Variants in SNX18 observed in about 807,000 individuals in gnomAD.
SNX18 encodes sorting nexin-18.
A neutral mutation model predicts 48.7 loss-of-function variants in SNX18; 35 were observed. The observed-to-expected ratio is 0.72, with a 90% CI of 0.55 to 0.95. The LOEUF is 0.95. SNX18 is among the 40% of genes least tolerant of loss of function. The pLI is 0.00. For missense variants in SNX18, 824 were observed against 871.0 expected (o/e 0.95, Z 0.68); for synonymous variants, 492 against 384.7 (o/e 1.28, Z -3.26).
the SNX18 span, among the ~76,000 whole-genome samples, chr5:54,583,436 C>T: frequency 1.3e-5 from 2 of 152,200 alleles, no homozygotes; most frequent in Non-Finnish European, 2.9e-5. Flanking sequence ...CTCAGTGTGA[C>T]CCAGGCCTTG....
chr5:54,630,829 CAAAAAAAAAAAAA>C, the SNX18 span, among the ~76,000 whole-genome samples: 1 of 94,518 alleles, frequency 1.1e-5, no homozygotes, highest in East Asian at 3.4e-4. Flanking sequence ...AAGACTCAGT[CAAAAAAAAAAAAA>C]AAAAAAAAGA....
At position 54,518,599 on chromosome 5, in the gene SNX18, C is replaced by G. The variant is rs1228442388; in HGVS notation, c.647C>G (p.Pro216Arg). The G allele has an allele frequency of 6.3e-7, 1 of 1,576,748 alleles. No homozygotes were observed. ...GGCTCGGTCCCCCCGCAGCACCACC[C>G]GTCGGGGCCCAAGAGCTCGGCCACC... Reference protein sequence around the residue: ...RGGSVPPQHHPSGPKSSATVS... With the variant: ...RGGSVPPQHHRSGPKSSATVS... The change falls in exon 1 of 2, where the codon CCG (proline) becomes CGG (arginine). Residue 216 changes from proline (P) to arginine (R), a missense_variant. Transcript: ENST00000381410.
the SNX18 span, among the ~76,000 whole-genome samples, chr5:54,582,195 G>A: frequency 6.6e-6 from 1 of 152,216 alleles, no homozygotes; most frequent in Non-Finnish European, 1.5e-5. Flanking sequence ...GAAATTAAGA[G>A]AGAAAAACAG....
At chr5:54,525,386 A>G (rs1332890184) in intron 1 of SNX18, among the ~76,000 whole-genome samples, 3 of 152,234 alleles carry the variant, frequency 2.0e-5, no homozygotes, top group African/African-American at 7.2e-5. Flanking sequence ...TTAAAAAAAA[A>G]AAAAAAATTA....
At chr5:54,558,882 T>C in the SNX18 span, among the ~76,000 whole-genome samples, 112,043 of 151,988 alleles carry the variant, frequency 0.74, 41,724 homozygotes, top group Non-Finnish European at 0.79. Flanking sequence ...ATTTCCAACC[T>C]GTAAACTTGC....
At chr5:54,633,979 G>C in the SNX18 span, among the ~76,000 whole-genome samples, 3 of 152,306 alleles carry the variant, frequency 2.0e-5, no homozygotes, top group Middle Eastern at 6.8e-3. Flanking sequence ...CCAGTACTTG[G>C]AATCCTTTCT....
Position 54,518,008 on chromosome 5 carries a change from T to G in SNX18, c.56T>G (p.Ile19Ser), listed in dbSNP as rs1363080688. 5.2e-6 allele frequency: 8 copies of G among 1,546,698 alleles called. No individual in the cohort carries two copies. Among genetic ancestry groups the G allele is most frequent in the Non-Finnish European group, 6.1e-6 (7 of 1,148,912 alleles). ...YDFRSENPGE[I>S]SLREHEVLSL... is the part of the protein sequence containing the mutation. ...TTCAGGTCGGAGAACCCAGGAGAGA[T>G]CTCGCTGCGAGAGCACGAGGTGCTG... The change falls in exon 1 of 2, where the codon ATC becomes AGC. Residue 19 changes from isoleucine to serine, a missense_variant. Physicochemically the swap from Ile to Ser is moderately radical, Grantham distance 142. Transcript: ENST00000381410.
At chr5:54,530,496 GA>G (rs1762232908) in intron 1 of SNX18, among the ~76,000 whole-genome samples, 1 of 152,098 alleles carries the variant, frequency 6.6e-6, no homozygotes, top group South Asian at 2.1e-4. Context: ...ATGCTTGTTA[GA>G]AAATTGACTT....
chr5:54,629,300 G>T, the SNX18 span, among the ~76,000 whole-genome samples: 1 of 152,164 alleles, frequency 6.6e-6, no homozygotes, highest in South Asian at 2.1e-4. Context: ...CTTGAATGTG[G>T]AGAGGAGCCA....
chr5:54,605,665 T>G, the SNX18 span, among the ~76,000 whole-genome samples: 1 of 152,274 alleles, frequency 6.6e-6, no homozygotes, highest in African/African-American at 2.4e-5. Context: ...TTGAAACTTA[T>G]TTATTTATTT....
At chr5:54,551,807 A>G in the SNX18 span, among the ~76,000 whole-genome samples, 1 of 152,106 alleles carries the variant, frequency 6.6e-6, no homozygotes, top group African/African-American at 2.4e-5. Flanking sequence ...CCTATCCTAC[A>G]CTTTCTCTGG....
the SNX18 span, among the ~76,000 whole-genome samples, chr5:54,585,297 G>GAA: frequency 1.0e-4 from 10 of 96,252 alleles, no homozygotes; most frequent in East Asian, 4.0e-4. Context: ...GTCCCAAAAA[G>GAA]AAAAAAAAAA....
the SNX18 span, among the ~76,000 whole-genome samples, chr5:54,647,403 G>C: frequency 6.6e-6 from 1 of 152,174 alleles, no homozygotes; most frequent in African/African-American, 2.4e-5. Context: ...TCTTTAACGA[G>C]TGATGCTTGA....
the SNX18 span, among the ~76,000 whole-genome samples, chr5:54,610,792 T>G: frequency 6.6e-6 from 1 of 152,204 alleles, no homozygotes; most frequent in Non-Finnish European, 1.5e-5. Flanking sequence ...GGTTAACCCT[T>G]GTTGCAGCCC....
chr5:54,543,436 C>G lies in SNX18; in HGVS notation c.*4C>G. The G allele has an allele frequency of 1.2e-6, 2 of 1,611,908 alleles. No homozygotes were observed. The highest frequency in any genetic ancestry group is 1.7e-6 in the Non-Finnish European group (2 of 1,178,442). ...TCACAAATATGATAGTGTTTAATGA[C>G]TGGACGTTGGATTATGGACTTTTTC... On this transcript the variant is annotated 3_prime_UTR_variant, in exon 2 of 2. Transcript: ENST00000381410.
chr5:54,520,140 G>T, intron 1 of SNX18: 1 of 308,398 alleles, frequency 3.2e-6, no homozygotes, highest in African/African-American at 2.1e-5. Flanking sequence ...GTAATTTCAG[G>T]AAAAGCGTAC....
chr5:54,587,056 C>A, the SNX18 span, among the ~76,000 whole-genome samples: 2 of 151,346 alleles, frequency 1.3e-5, no homozygotes, highest in African/African-American at 4.9e-5. Flanking sequence ...CTCCTGATGG[C>A]AGAGTTAAAG....
In SNX18 at chr5:54,518,713, A is replaced by G; in HGVS notation, c.761A>G (p.Asp254Gly). The G allele has an allele frequency of 1.3e-6, 2 of 1,594,644 alleles. No homozygotes were observed. The highest frequency in any genetic ancestry group is 1.7e-6 in the Non-Finnish European group (2 of 1,170,560). The change falls in exon 1 of 2, where the codon GAC (aspartate) becomes GGC (glycine). Residue 254 changes from aspartate (D) to glycine (G), a missense_variant. Physicochemically the swap from Asp to Gly is moderately conservative, Grantham distance 94. Around this residue, in one of 3 missense-constraint regions of SNX18, gnomAD observed 443 missense variants for 503.6 expected, o/e 0.88. Transcript: ENST00000381410. ...VLGEASGFVK[D>G]GDKLCVVLGP... Reference sequence around the variant, plus strand: ...GGGGAGGCGTCAGGCTTCGTGAAGGACGGGGACAAGCTGTGCGTGGTGCTG... The same window carrying G: ...GGGGAGGCGTCAGGCTTCGTGAAGGGCGGGGACAAGCTGTGCGTGGTGCTG...
chr5:54,531,792 G>C (rs771489825), intron 1 of SNX18, among the ~76,000 whole-genome samples: 1 of 152,170 alleles, frequency 6.6e-6, no homozygotes, highest in Non-Finnish European at 1.5e-5. Flanking sequence ...CCACAGCCTC[G>C]TGATCGTGAA....
Sources: allele counts gnomAD v4.1 joint callset (sites outside exome capture counted in the v4.1 genomes callset), GRCh38; gene constraint gnomAD v4.1.1; regional missense constraint gnomAD v4.1.1; transcripts MANE v1.5; gene names NCBI Gene and HGNC (gene_info 2026-07-23, HGNC 2026-07-21).